The following DNAH3 variants were observed in gnomAD, a reference collection of about 807,000 sequenced individuals.
The protein encoded by DNAH3 is axonemal beta dynein heavy chain 3.
In DNAH3, 332 loss-of-function variants were observed where a neutral mutation model predicts 432.5. The ratio of observed to expected loss-of-function variants is 0.77; its 90% CI spans 0.70 to 0.84. DNAH3 has a LOEUF of 0.84. Ranked by LOEUF, DNAH3 falls within the 40% of genes least tolerant of loss-of-function variation. The pLI, the probability that DNAH3 is intolerant of heterozygous loss-of-function variation, is 0.00. For missense variants in DNAH3, 4,861 were observed against 5,114.0 expected (o/e 0.95, Z 1.51); for synonymous variants, 1,956 against 1,900.2 (o/e 1.03, Z -0.76).
chr16:21,136,897 G>A (rs2092650496), intron 5 of DNAH3, among the ~76,000 whole-genome samples: 1 of 152,114 alleles, frequency 6.6e-6, no homozygotes, highest in Non-Finnish European at 1.5e-5. Flanking sequence ...CATTTTGGGA[G>A]GCAAAGGTGG....
chr16:21,156,830 ACT>A (rs1284909943), intron 1 of DNAH3, among the ~76,000 whole-genome samples: 1 of 151,900 alleles, frequency 6.6e-6, no homozygotes, highest in African/African-American at 2.4e-5. Context: ...GACAAGCAAA[ACT>A]CTGCTGGCCC....
In DNAH3 at chr16:21,104,455, C is replaced by T; in HGVS notation, c.2366+16G>A. 2 of 1,611,876 alleles carry T rather than the reference C, an allele frequency of 1.2e-6. No individual in the cohort carries two copies. Among genetic ancestry groups the T allele is most frequent in the Non-Finnish European group, 1.7e-6 (2 of 1,178,070 alleles). On this transcript the variant is annotated intron_variant, in intron 16 of 61. Transcript: ENST00000261383. ...TCAGGTCTCATTTCCAAGACAATCC[C>T]AGACTCTCCCGGTACCTTTTAATCA...
chr16:21,090,113 A>G (rs1442158147), intron 18 of DNAH3, among the ~76,000 whole-genome samples: 1 of 152,058 alleles, frequency 6.6e-6, no homozygotes, highest in Non-Finnish European at 1.5e-5. Context: ...ACAAACTTCC[A>G]AAAACTTATT....
chr16:20,959,221 C>T lies in DNAH3; in HGVS notation c.10784G>A (p.Cys3595Tyr). Residue 3595 changes from cysteine to tyrosine, a missense_variant, in exon 54 of 62, where the codon TGT (cysteine) becomes TAT (tyrosine). Coordinates refer to ENST00000261383, the Ensembl canonical transcript of DNAH3. Reference sequence around the variant, plus strand: ...GCTCTCAGGAACAATCACCTCCTCACAAATCTTCTCCAGGGTAGGCATCCA... The same window carrying T: ...GCTCTCAGGAACAATCACCTCCTCATAAATCTTCTCCAGGGTAGGCATCCA... 1 of 1,614,194 alleles carries T rather than the reference C, an allele frequency of 6.2e-7. No individual in the cohort carries two copies.
At chr16:20,937,199 A>AG (rs886271421) in intron 59 of DNAH3, among the ~76,000 whole-genome samples, 38 of 152,154 alleles carry the variant, frequency 2.5e-4, no homozygotes, top group Middle Eastern at 3.4e-3. Flanking sequence ...TCTGTCATTC[A>AG]GGCTGGAGTA....
intron 6 of DNAH3, 77 bp downstream of exon 7, chr16:21,136,247 C>T: frequency 7.1e-7 from 1 of 1,402,918 alleles, no homozygotes; most frequent in Non-Finnish European, 9.9e-7. Flanking sequence ...GACCTTGTCT[C>T]TACAAAAATA....
At chr16:21,018,139 C>A (rs1174037577) in intron 41 of DNAH3, among the ~76,000 whole-genome samples, 1 of 152,182 alleles carries the variant, frequency 6.6e-6, no homozygotes, top group African/African-American at 2.4e-5. Flanking sequence ...ATGCACACAT[C>A]CTAAGCCCAC....
At chr16:20,969,304 G>C (rs1227080815) in intron 52 of DNAH3, among the ~76,000 whole-genome samples, 1 of 152,112 alleles carries the variant, frequency 6.6e-6, no homozygotes, top group African/African-American at 2.4e-5. Context: ...GTGTGTGTGT[G>C]TGTGCATGCA....
chr16:20,993,638 C>A (rs996669513), intron 44 of DNAH3, among the ~76,000 whole-genome samples: 4 of 152,056 alleles, frequency 2.6e-5, no homozygotes. Flanking sequence ...ACTTTATTTC[C>A]CATATAAGTT....
intron 39 of DNAH3, 151 bp from the exon 40 acceptor site, chr16:21,022,251 C>T (rs1567651422): frequency 2.7e-5 from 20 of 745,060 alleles, no homozygotes; most frequent in Non-Finnish European, 4.1e-5. Flanking sequence ...GGCAACAAGA[C>T]CCCTATCTCA....
At chr16:20,996,020 G>T (rs1424433142) in intron 44 of DNAH3, among the ~76,000 whole-genome samples, 2 of 152,196 alleles carry the variant, frequency 1.3e-5, no homozygotes, top group Non-Finnish European at 2.9e-5. Context: ...CACCCAATTT[G>T]TATTTTGGAA....
At chr16:21,158,961 C>T (rs926577112) in intron 1 of DNAH3, among the ~76,000 whole-genome samples, 5 of 151,988 alleles carry the variant, frequency 3.3e-5, no homozygotes, top group South Asian at 4.2e-4. Context: ...AGACACGATT[C>T]CTCCCCACCC....
chr16:21,127,652 C>G, intron 8 of DNAH3, 35 bp downstream of exon 9: 1 of 1,611,090 alleles, frequency 6.2e-7, no homozygotes, highest in Non-Finnish European at 8.5e-7. Flanking sequence ...TTTAAGATAC[C>G]ATGGTGCAGC....
chr16:20,950,211 G>A (rs980028299), intron 56 of DNAH3, among the ~76,000 whole-genome samples: 4 of 152,190 alleles, frequency 2.6e-5, no homozygotes, highest in African/African-American at 9.6e-5. Flanking sequence ...CGTACTGTGT[G>A]TGTCATTTGG....
intron 11 of DNAH3, among the ~76,000 whole-genome samples, chr16:21,118,939 C>A (rs906990280): frequency 2.6e-5 from 4 of 152,184 alleles, no homozygotes; most frequent in Non-Finnish European, 5.9e-5. Flanking sequence ...AAAAGGTCTT[C>A]AGAGTGTTTC....
chr16:20,968,022 G>T (rs1266127338), intron 52 of DNAH3, among the ~76,000 whole-genome samples: 2 of 152,164 alleles, frequency 1.3e-5, no homozygotes, highest in Admixed American at 6.6e-5. Context: ...AGAGAAGAGG[G>T]AATGCTAAGC....
At chr16:21,154,646 AGTATTTT>A (rs1189710138) in intron 1 of DNAH3, among the ~76,000 whole-genome samples, 2 of 152,336 alleles carry the variant, frequency 1.3e-5, no homozygotes, top group African/African-American at 4.8e-5. Flanking sequence ...TATAAATATC[AGTATTTT>A]CACAAGTTTT....
chr16:20,981,606 T>G (rs1287320093), intron 49 of DNAH3, among the ~76,000 whole-genome samples: 1 of 152,182 alleles, frequency 6.6e-6, no homozygotes, highest in Middle Eastern at 3.4e-3. Context: ...ACACCTGTAA[T>G]CTCAGCTACT....
chr16:20,939,723 C>T (rs1052897183), intron 59 of DNAH3, among the ~76,000 whole-genome samples: 4 of 151,994 alleles, frequency 2.6e-5, no homozygotes, highest in African/African-American at 9.7e-5. Flanking sequence ...TAAAATGAAG[C>T]AGTGACCCAA....
Sources: allele counts gnomAD v4.1 joint callset (sites outside exome capture counted in the v4.1 genomes callset), GRCh38; gene constraint gnomAD v4.1.1; transcripts MANE v1.5; gene names NCBI Gene and HGNC (gene_info 2026-07-23, HGNC 2026-07-21).